Variants in KIF20A observed in about 807,000 individuals in gnomAD.
KIF20A encodes the protein kinesin family member 20A, also known as kinesin-like protein KIF20A.
A neutral mutation model predicts 113.0 loss-of-function variants in KIF20A; 66 were observed. That is an observed-to-expected ratio of 0.58 (90% CI 0.48 to 0.72). The LOEUF (loss-of-function observed/expected upper bound fraction) is 0.72. Ranked by LOEUF, KIF20A falls within the 30% of genes least tolerant of loss-of-function variation. The pLI is 0.00. For synonymous variants in KIF20A, 376 were observed against 402.3 expected (o/e 0.93, Z 0.78); for missense variants, 927 against 1,077.6 (o/e 0.86, Z 1.96).
In KIF20A at chr5:138,184,393, A is replaced by G; in HGVS notation, c.1507A>G (p.Ile503Val). ...ETLHVAKFSA[I>V]ASQLVHAPPM... ...TCTTCATGTGGCCAAGTTCTCAGCC[A>G]TTGCTAGCCAGGTGAGAAGCTAGAG... is the stretch of plus-strand genomic sequence containing the variant. The change falls in exon 12 of 19, where the codon ATT becomes GTT. Residue 503 changes from isoleucine to valine, a missense_variant. By Grantham distance (29) the Ile-to-Val change is conservative. Coordinates refer to ENST00000394894, the MANE Select transcript of KIF20A (RefSeq NM_005733.3). 1.2e-6 allele frequency: 2 copies of G among 1,614,196 alleles called. No individual in the cohort carries two copies. The highest frequency in any genetic ancestry group is 1.7e-6 in the Non-Finnish European group (2 of 1,180,030).
At position 138,184,900 on chromosome 5, in the gene KIF20A, T is replaced by G. The variant is rs1754719861; in HGVS notation, c.1777T>G (p.Cys593Gly). 1 of 1,614,096 alleles carries G rather than the reference T, an allele frequency of 6.2e-7. No individual in the cohort carries two copies. The highest frequency in any genetic ancestry group is 2.2e-5 in the East Asian group (1 of 44,870). ...QLEMHLRDEI[C>G]NEMVEQMQQR... ...GGAGATGCATCTCCGAGATGAAATT[T>G]GCAATGAGATGGTAGAACAGATGCA... is the stretch of plus-strand genomic sequence containing the variant. Residue 593 changes from cysteine (C) to glycine (G), a missense_variant, in exon 14 of 19, where the codon TGC becomes GGC. Physicochemically the swap from Cys to Gly is radical, Grantham distance 159. Coordinates refer to ENST00000394894, the MANE Select transcript of KIF20A (RefSeq NM_005733.3).
At chr5:138,185,840 C>G in intron 16 of KIF20A, 121 bp from the exon 17 acceptor site, 1 of 1,302,282 alleles carries the variant, frequency 7.7e-7, no homozygotes, top group East Asian at 2.4e-5. Flanking sequence ...ACATTTCAAT[C>G]TAGGATACAC....
Position 138,183,381 on chromosome 5 carries a change from A to T in KIF20A, c.1027+18A>T, listed in dbSNP as rs765628350. 1 of 1,613,844 alleles carries T rather than the reference A, an allele frequency of 6.2e-7. No individual in the cohort carries two copies. Among genetic ancestry groups the T allele is most frequent in the Non-Finnish European group, 8.5e-7 (1 of 1,179,758 alleles). On this transcript the variant is annotated intron_variant, in intron 8 of 18. Transcript: ENST00000394894. The surrounding 1 kb of genome is among the most constrained non-coding windows in gnomAD (Gnocchi z 5.2). ...TGTGAAAGGTAAAGGAACATGGGGAAAGCTGGCATGAACCCTGGAGGGCAA... is the reference window on the plus strand; with the variant it reads ...TGTGAAAGGTAAAGGAACATGGGGATAGCTGGCATGAACCCTGGAGGGCAA...
intron 2 of KIF20A, among the ~76,000 whole-genome samples, chr5:138,180,049 G>T (rs1211366023): frequency 2.0e-5 from 3 of 152,152 alleles, no homozygotes; most frequent in Non-Finnish European, 4.4e-5. Flanking sequence ...AAATTGAGTT[G>T]TGTGTCCAGA....
intron 15 of KIF20A, 22 bp downstream of exon 15, chr5:138,185,219 C>G (rs771105847): frequency 5.4e-6 from 8 of 1,472,836 alleles, no homozygotes; most frequent in South Asian, 1.2e-5. Flanking sequence ...TGAGCCAGCT[C>G]CAATTAGCTG....
intron 2 of KIF20A, 75 bp from the exon 3 acceptor site, chr5:138,181,347 A>G (rs1165225685): frequency 5.9e-6 from 7 of 1,181,688 alleles, no homozygotes; most frequent in African/African-American, 1.5e-5. Context: ...AGTTCCTAGA[A>G]ACTACTGTTT....
intron 14 of KIF20A, 62 bp downstream of exon 14, chr5:138,185,008 T>C (rs1393692529): frequency 6.2e-7 from 1 of 1,601,108 alleles, no homozygotes; most frequent in African/African-American, 1.3e-5. Context: ...AGTAAGGAGT[T>C]AGGTGGAGTT....
In KIF20A at chr5:138,183,405, AACTGGGGAGAGAC is replaced by A; in HGVS notation, c.1027+43_1028-52del. 6.2e-7 allele frequency: 1 copy of A among 1,612,752 alleles called. No homozygotes were observed. On this transcript the variant is annotated intron_variant, in intron 8 of 18. Transcript: ENST00000394894. The surrounding 1 kb of genome is among the most constrained non-coding windows in gnomAD (Gnocchi z 5.2). ...AAAGCTGGCATGAACCCTGGAGGGC[AACTGGGGAGAGAC>A]TGGCAAAAGAGTTGGATGTTCCCAT...
chr5:138,186,572 T>C, intron 18 of KIF20A, 141 bp downstream of exon 18: 2 of 957,212 alleles, frequency 2.1e-6, no homozygotes, highest in Non-Finnish European at 3.0e-6. Flanking sequence ...AAAATAAAAA[T>C]AACTATTCTT....
At chr5:138,185,837 A>T in intron 16 of KIF20A, 124 bp from the exon 17 acceptor site, 1 of 1,305,582 alleles carries the variant, frequency 7.7e-7, no homozygotes, top group South Asian at 1.3e-5. Context: ...CTGACATTTC[A>T]ATCTAGGATA....
At chr5:138,182,033 A>G (rs1754669255) in intron 4 of KIF20A, 1 of 565,576 alleles carries the variant, frequency 1.8e-6, no homozygotes. Context: ...GTCTAGATCC[A>G]TGTATCTCCA....
chr5:138,182,662 AACACCTGATCTG>A lies in KIF20A; in HGVS notation c.593_604del (p.Thr198_Leu201del). The stretch of plus-strand genomic sequence containing the variant: ...ATAGCCTCCAAGGCCAACTTCATCC[AACACCTGATCTG>A]AAGCCCTTGCTCTCCAATGAGGTAA... On this transcript the variant is annotated inframe_deletion, in exon 6 of 19. Transcript: ENST00000394894. 9 of 1,614,154 alleles carry A rather than the reference AACACCTGATCTG, an allele frequency of 5.6e-6. No individual in the cohort carries two copies. Among genetic ancestry groups the A allele is most frequent in the Non-Finnish European group, 7.6e-6 (9 of 1,180,028 alleles).
chr5:138,184,053 C>G lies in KIF20A; in HGVS notation c.1300C>G (p.Leu434Val), dbSNP rs147723176. 5.5e-5 allele frequency: 88 copies of G among 1,614,074 alleles called. 1 individual carries two copies. Among genetic ancestry groups the G allele is most frequent in the Non-Finnish European group, 7.0e-5 (83 of 1,180,046 alleles). ...LKEAGNINTS[L>V]HTLGRCIAAL... ...GGAAGCAGGAAACATTAACACCTCT[C>G]TACACACCCTGGGCCGCTGTATTGC... The change falls in exon 11 of 19, where the codon CTA becomes GTA. Residue 434 changes from leucine to valine, a missense_variant. Coordinates refer to ENST00000394894, the MANE Select transcript of KIF20A (RefSeq NM_005733.3).
chr5:138,182,966 T>C lies in KIF20A; in HGVS notation c.808T>C (p.Cys270Arg). The C allele has an allele frequency of 1.2e-6, 2 of 1,614,136 alleles. No homozygotes were observed. The highest frequency in any genetic ancestry group is 1.1e-5 in the South Asian group (1 of 91,086). The stretch of plus-strand genomic sequence containing the variant: ...TGCTGGGCTCTCTTCTATCAGTCAG[T>C]GTACCAGCAGTAGCCAGCTGGATGG... ...GIAGLSSISQ[C>R]TSSSQLDETS... Residue 270 changes from cysteine to arginine, a missense_variant, in exon 7 of 19, where the codon TGT becomes CGT. Transcript: ENST00000394894.
rs1754681023 is a variant in KIF20A at position 138,182,760 on chromosome 5, G to A, written c.689G>A (p.Gly230Glu). The change falls in exon 6 of 19, where the codon GGA (glycine) becomes GAA (glutamate). Residue 230 changes from glycine (G) to glutamate (E), a missense_variant. Coordinates refer to ENST00000394894, the MANE Select transcript of KIF20A (RefSeq NM_005733.3). ...EEMKKLSLLN[G>E]GLQEEELSTS... ...ATGAAGAAGCTGTCCCTGCTAAATG[G>A]AGGCCTCCAAGAGGTAAAGCATTGG... is the stretch of plus-strand genomic sequence containing the variant. 2 of 1,613,724 alleles carry A rather than the reference G, an allele frequency of 1.2e-6. No individual in the cohort carries two copies. Among genetic ancestry groups the A allele is most frequent in the Non-Finnish European group, 1.7e-6 (2 of 1,180,016 alleles).
chr5:138,182,549 CA>C, intron 5 of KIF20A, 36 bp from the exon 6 acceptor site: 1 of 1,613,006 alleles, frequency 6.2e-7, no homozygotes, highest in Non-Finnish European at 8.5e-7. Context: ...GGGAGAAGGG[CA>C]CTTGCCTCAG....
chr5:138,187,502 T>C lies in KIF20A; in HGVS notation c.*89T>C, dbSNP rs918053536. ...TAGGTCTCTTTTATGCTTTACCATATATCAGGAATTATATCCAGGATGCAA... is the reference window on the plus strand; with the variant it reads ...TAGGTCTCTTTTATGCTTTACCATACATCAGGAATTATATCCAGGATGCAA... On this transcript the variant is annotated 3_prime_UTR_variant, in exon 19 of 19. Coordinates refer to ENST00000394894, the MANE Select transcript of KIF20A (RefSeq NM_005733.3). 27 of 1,028,958 alleles carry C rather than the reference T, an allele frequency of 2.6e-5. No homozygotes were observed. The highest frequency in any genetic ancestry group is 3.8e-5 in the Non-Finnish European group (27 of 711,224). The allele number at this position is 1,028,958 out of a possible 1,614,324, so 63.7% of individuals were successfully genotyped here. A position where few individuals can be genotyped will look rare whatever the true frequency, so the allele number is the denominator to read the frequency against.
chr5:138,183,031 C>T lies in KIF20A; in HGVS notation c.832+41C>T. 6.2e-7 allele frequency: 1 copy of T among 1,612,940 alleles called. No individual in the cohort carries two copies. ...GGGCTCTGCCAAAAAATAGTAGGAA[C>T]TCACTCCCTGTTCCTAATAGCTGCC... is the stretch of plus-strand genomic sequence containing the variant. On this transcript the variant is annotated intron_variant, in intron 7 of 18. Transcript: ENST00000394894. The surrounding 1 kb of genome is among the most constrained non-coding windows in gnomAD (Gnocchi z 5.2).
At position 138,179,208 on chromosome 5, in the gene KIF20A, T is replaced by C. The variant is rs1048812056; in HGVS notation, c.-22+6T>C. ...AGCAAGTGGCACGTCTTCGGGTGAG[T>C]GTGCGGCTGTGCTGGAGCCCGGGTT... On this transcript the variant is annotated splice_donor_region_variant and intron_variant, in intron 1 of 18. Coordinates refer to ENST00000394894, the MANE Select transcript of KIF20A (RefSeq NM_005733.3). The C allele has an allele frequency of 3.6e-5, 7 of 192,052 alleles. No individual in the cohort carries two copies. Among genetic ancestry groups the C allele is most frequent in the Non-Finnish European group, 7.7e-5 (7 of 91,432 alleles). The allele number at this position is 192,052 out of a possible 1,614,324, so 11.9% of individuals were successfully genotyped here. A position where few individuals can be genotyped will look rare whatever the true frequency, so the allele number is the denominator to read the frequency against.
Sources: gnomAD v4.1 joint callset for allele counts (sites outside exome capture counted in the v4.1 genomes callset) on GRCh38, gnomAD v4.1.1 for gene constraint, Gnocchi (gnomAD v3.1) non-coding constraint, MANE v1.5 for transcripts, NCBI Gene and HGNC (gene_info 2026-07-23, HGNC 2026-07-21) for gene names.